Variants in INO80C observed in about 807,000 individuals in gnomAD.
The protein encoded by INO80C is IES6 homolog.
In INO80C, 17 loss-of-function variants were observed where a neutral mutation model predicts 17.7. The observed-to-expected ratio is 0.96, with a 90% confidence interval of 0.66 to 1.44. The LOEUF is 1.44. Ranked by LOEUF, INO80C falls within the 40% of genes most tolerant of loss-of-function variation. The pLI, the probability that INO80C is intolerant of heterozygous loss-of-function variation, is 0.00. For missense variants in INO80C, 244 were observed against 245.0 expected (o/e 1.00, Z 0.03); for synonymous variants, 96 against 95.8 (o/e 1.00, Z -0.01).
Position 35,468,425 on chromosome 18 carries a change from A to G in INO80C, c.*186T>C. On this transcript the variant is annotated 3_prime_UTR_variant, in exon 5 of 5. Transcript: ENST00000334598. ...ATAATTTAATTCAGCAGGAAATATCACACTTGGAGGGAAAACACACACTAA... is the reference window on the plus strand; with the variant it reads ...ATAATTTAATTCAGCAGGAAATATCGCACTTGGAGGGAAAACACACACTAA... 5 of 1,413,794 alleles carry G rather than the reference A, an allele frequency of 3.5e-6. No individual in the cohort carries two copies. Among genetic ancestry groups the G allele is most frequent in the Non-Finnish European group, 4.6e-6 (5 of 1,086,356 alleles). 87.6% of individuals were successfully genotyped at this position (1,413,794 alleles called of 1,614,324 possible). A position where few individuals can be genotyped will look rare whatever the true frequency, so the allele number is the denominator to read the frequency against.
intron 1 of INO80C, among the ~76,000 whole-genome samples, chr18:35,492,464 G>C (rs1429401887): frequency 1.3e-5 from 2 of 152,108 alleles, no homozygotes; most frequent in East Asian, 3.9e-4. Context: ...ATGAAAAACT[G>C]TATCTACATG....
chr18:35,491,847 G>A (rs2045936105), intron 1 of INO80C, among the ~76,000 whole-genome samples: 1 of 152,206 alleles, frequency 6.6e-6, no homozygotes. Flanking sequence ...AAGAGGAGAG[G>A]AAGGAACGCC....
At chr18:35,495,833 TA>T (rs2045975561) in intron 1 of INO80C, among the ~76,000 whole-genome samples, 2 of 152,054 alleles carry the variant, frequency 1.3e-5, no homozygotes, top group Admixed American at 6.5e-5. Flanking sequence ...AATTTTTTTT[TA>T]AAAGCCAATT....
chr18:35,476,845 A>G (rs575309341), intron 4 of INO80C, among the ~76,000 whole-genome samples: 1 of 152,214 alleles, frequency 6.6e-6, no homozygotes, highest in Non-Finnish European at 1.5e-5. Flanking sequence ...TAGCCTGGGT[A>G]AAAGAGCAAG....
intron 4 of INO80C, among the ~76,000 whole-genome samples, chr18:35,477,482 A>G (rs1220328474): frequency 6.6e-6 from 1 of 152,176 alleles, no homozygotes; most frequent in Non-Finnish European, 1.5e-5. Flanking sequence ...TACTTAAATT[A>G]TTTTTCCAAA....
At chr18:35,476,740 T>C (rs1031672833) in intron 4 of INO80C, among the ~76,000 whole-genome samples, 7 of 152,120 alleles carry the variant, frequency 4.6e-5, no homozygotes, top group African/African-American at 1.7e-4. Flanking sequence ...GAGGCTCACG[T>C]CTTTAATCCC....
At chr18:35,472,795 T>G (rs898815046) in intron 4 of INO80C, among the ~76,000 whole-genome samples, 2 of 152,242 alleles carry the variant, frequency 1.3e-5, no homozygotes, top group African/African-American at 4.8e-5. Context: ...CTTCCCTGTT[T>G]GATGAGTCTT....
intron 4 of INO80C, among the ~76,000 whole-genome samples, chr18:35,469,668 G>C (rs1048663009): frequency 6.6e-6 from 1 of 152,170 alleles, no homozygotes; most frequent in African/African-American, 2.4e-5. Flanking sequence ...AAATATTCCA[G>C]TGGAATGCAC....
At chr18:35,487,303 G>T (rs1028385038) in intron 1 of INO80C, 5 of 321,690 alleles carry the variant, frequency 1.6e-5, no homozygotes, top group South Asian at 2.5e-5. Context: ...CAAGGTCATT[G>T]TGTTAGTCCA....
At chr18:35,473,763 T>G (rs1232788919) in intron 4 of INO80C, among the ~76,000 whole-genome samples, 1 of 152,094 alleles carries the variant, frequency 6.6e-6, no homozygotes, top group Non-Finnish European at 1.5e-5. Context: ...GTACCATCTA[T>G]TCTAGTCTCA....
intron 1 of INO80C, among the ~76,000 whole-genome samples, chr18:35,492,583 T>A (rs553917287): frequency 6.6e-6 from 1 of 152,328 alleles, no homozygotes; most frequent in African/African-American, 2.4e-5. Context: ...AGAATAACTT[T>A]TAAGACTTAA....
At chr18:35,481,268 A>C (rs2045805771) in intron 1 of INO80C, among the ~76,000 whole-genome samples, 1 of 152,242 alleles carries the variant, frequency 6.6e-6, no homozygotes, top group South Asian at 2.1e-4. Context: ...TAAGCTAACA[A>C]TCACAAAGAA....
At chr18:35,469,112 C>T (rs936619561) in intron 4 of INO80C, among the ~76,000 whole-genome samples, 2 of 152,132 alleles carry the variant, frequency 1.3e-5, no homozygotes, top group African/African-American at 2.4e-5. Context: ...AGGCAGGAGC[C>T]GACGCCCAGC....
At position 35,497,935 on chromosome 18, in the gene INO80C, C is replaced by G. The variant is rs748092130; in HGVS notation, c.-61G>C. 6.6e-5 allele frequency: 97 copies of G among 1,458,746 alleles called. 1 individual carries two copies. The highest frequency in any genetic ancestry group is 8.7e-5 in the Non-Finnish European group (96 of 1,100,840). 90.4% of individuals were successfully genotyped at this position (1,458,746 alleles called of 1,614,324 possible). On this transcript the variant is annotated 5_prime_UTR_variant, in exon 1 of 5. Transcript: ENST00000334598. ...TTCCCAGCGCGGGCCTTGGAACTTCCTTTCCGCTGTTACTTCCGTCTTGAT... is the reference window on the plus strand; with the variant it reads ...TTCCCAGCGCGGGCCTTGGAACTTCGTTTCCGCTGTTACTTCCGTCTTGAT...
In INO80C at chr18:35,480,443, C is replaced by A. The variant is rs571965634; in HGVS notation, c.267+10G>T. 3 of 1,578,056 alleles carry A rather than the reference C, an allele frequency of 1.9e-6. No homozygotes were observed. The South Asian group carries it at 3.3e-5, about 17-fold the overall frequency. On this transcript the variant is annotated intron_variant, in intron 2 of 4. Transcript: ENST00000334598. The stretch of plus-strand genomic sequence containing the variant: ...TGGATGTTTATTCAGCTAATACCTT[C>A]GATGCTTACCACAAAGTTGGGATCC...
Position 35,468,417 on chromosome 18 carries a change from G to T in INO80C, c.*194C>A. The T allele has an allele frequency of 7.1e-7, 1 of 1,404,580 alleles. No homozygotes were observed. 87.0% of individuals were successfully genotyped at this position (1,404,580 alleles called of 1,614,324 possible). ...ACTGAAGTATAATTTAATTCAGCAG[G>T]AAATATCACACTTGGAGGGAAAACA... On this transcript the variant is annotated 3_prime_UTR_variant, in exon 5 of 5. Transcript: ENST00000334598.
intron 4 of INO80C, among the ~76,000 whole-genome samples, chr18:35,477,012 G>A (rs1482544160): frequency 6.6e-6 from 1 of 152,262 alleles, no homozygotes; most frequent in Non-Finnish European, 1.5e-5. Flanking sequence ...GGGAGGCCAA[G>A]GCAGGAGGAT....
rs776451548 is a variant in INO80C at position 35,478,357 on chromosome 18, A to G, written c.380-8T>C. 36 of 1,481,176 alleles carry G rather than the reference A, an allele frequency of 2.4e-5. No homozygotes were observed. The East Asian group carries it at 4.4e-4, about 18-fold the overall frequency. The allele number at this position is 1,481,176 out of a possible 1,614,324, so 91.8% of individuals were successfully genotyped here. ...GAGCATCAATACTGAAGTCTGGGAA[A>G]AAAAAAAAAAAAAGATAACTAAACT... On this transcript the variant is annotated splice_region_variant and splice_polypyrimidine_tract_variant and intron_variant, in intron 3 of 4. Transcript: ENST00000334598.
intron 1 of INO80C, among the ~76,000 whole-genome samples, chr18:35,495,114 T>C (rs888959469): frequency 6.6e-6 from 1 of 152,188 alleles, no homozygotes; most frequent in Non-Finnish European, 1.5e-5. Flanking sequence ...GGAACTAGAA[T>C]GAAAGGATCA....
Sources: gnomAD v4.1 joint callset for allele counts (sites outside exome capture counted in the v4.1 genomes callset) on GRCh38, gnomAD v4.1.1 for gene constraint, MANE v1.5 for transcripts, NCBI Gene and HGNC (gene_info 2026-07-23, HGNC 2026-07-21) for gene names.